DNAH14: variants seen among roughly 807,000 people sequenced by gnomAD.
DNAH14 encodes the protein axonemal beta dynein heavy chain 14.
Under a neutral mutation model 520.9 loss-of-function variants are expected in DNAH14, and 478 were observed. The ratio of observed to expected loss-of-function variants is 0.92; its 90% CI spans 0.85 to 0.99. DNAH14 has a LOEUF of 0.99. Ranked by LOEUF, DNAH14 falls within the 50% of genes least tolerant of loss-of-function variation. The pLI is 0.00. For missense variants in DNAH14, 4,831 were observed against 5,234.5 expected (o/e 0.92, Z 2.38); for synonymous variants, 1,581 against 1,757.2 (o/e 0.90, Z 2.51).
At chr1:225,073,498 A>G (rs2071806209) in intron 17 of DNAH14, among the ~76,000 whole-genome samples, 1 of 151,704 alleles carries the variant, frequency 6.6e-6, no homozygotes, top group African/African-American at 2.4e-5. Context: ...TGTAGAGCGG[A>G]TGTATTGTGC....
intron 17 of DNAH14, among the ~76,000 whole-genome samples, chr1:225,063,063 TTA>T (rs1333942066): frequency 1.3e-5 from 2 of 151,868 alleles, no homozygotes; most frequent in Non-Finnish European, 2.9e-5. Context: ...CTAAAACAGA[TTA>T]TATATTTATG....
At position 225,252,377 on chromosome 1, in the gene DNAH14, G is replaced by C; in HGVS notation, c.6825G>C (p.Trp2275Cys). ...TAGAGCAATGTGAATTCATACCTTG[G>C]TCAGATTTAGTTCCTAATGATCAGA... The part of the protein sequence containing the change: ...VDIEQCEFIP[W>C]SDLVPNDQTL... Residue 2275 changes from tryptophan (W) to cysteine (C), a missense_variant, in exon 44 of 86, where the codon TGG (tryptophan) becomes TGC (cysteine). Transcript: ENST00000682510. 1 of 1,546,296 alleles carries C rather than the reference G, an allele frequency of 6.5e-7. No individual in the cohort carries two copies. The highest frequency in any genetic ancestry group is 1.2e-5 in the South Asian group (1 of 83,692).
chr1:225,237,202 C>T (rs1232575967), intron 42 of DNAH14, among the ~76,000 whole-genome samples: 1 of 152,116 alleles, frequency 6.6e-6, no homozygotes, highest in East Asian at 1.9e-4. Context: ...GTGGTTGTTT[C>T]ATAGTGTCAC....
At chr1:225,048,012 C>T (rs1173988066) in intron 15 of DNAH14, among the ~76,000 whole-genome samples, 1 of 152,162 alleles carries the variant, frequency 6.6e-6, no homozygotes, top group African/African-American at 2.4e-5. Flanking sequence ...CATCACAGTT[C>T]CATACAAAAC....
intron 37 of DNAH14, among the ~76,000 whole-genome samples, chr1:225,186,837 T>C (rs61851489): frequency 0.12 from 18,745 of 151,732 alleles, 1,304 homozygotes; most frequent in East Asian, 0.31. Flanking sequence ...TCTCACATGT[T>C]TAATAGTTTT....
intron 67 of DNAH14, 28 bp downstream of exon 67, chr1:225,337,524 C>T (rs1185014113): frequency 6.6e-7 from 1 of 1,519,026 alleles, no homozygotes; most frequent in Admixed American, 2.0e-5. Context: ...CCTAATTTCC[C>T]TTGCAGCTGA....
In DNAH14 at chr1:225,094,674, AAAAAC is replaced by A. The variant is rs1387477619; in HGVS notation, c.3574-2441_3574-2437del. 5.0e-3 allele frequency among the ~76,000 whole-genome samples: 498 copies of A among 99,088 alleles called. 4 individuals carry two copies. The highest frequency in any genetic ancestry group is 7.3e-3 in the South Asian group (25 of 3,426). 65.0% of individuals were successfully genotyped at this position (99,088 alleles called of 152,430 possible). ...TGCACAGCAAAAAAAAAAAAAAAAA[AAAAAC>A]AACAAAACAAACAAACAAAAAAACG... is the stretch of plus-strand genomic sequence containing the variant. On this transcript the variant is annotated intron_variant, in intron 21 of 85. Transcript: ENST00000682510.
In DNAH14 at chr1:225,051,577, G is replaced by A. The variant is rs779382557; in HGVS notation, c.2206G>A (p.Gly736Arg). ...CATGAGTATGAAAATATCATCTATG[G>A]GAGAATTAACTTCAAAAGAATTTGA... ...KIMSMKISSMGELTSKEFEAI... is the reference protein window; with the variant it reads ...KIMSMKISSMRELTSKEFEAI... The change falls in exon 17 of 86, where the codon GGA becomes AGA. Residue 736 changes from glycine (G) to arginine (R), a missense_variant. Physicochemically the swap from Gly to Arg is moderately radical, Grantham distance 125. Transcript: ENST00000682510. 269 of 1,550,610 alleles carry A rather than the reference G, an allele frequency of 1.7e-4. No homozygotes were observed. The highest frequency in any genetic ancestry group is 2.0e-4 in the Non-Finnish European group (234 of 1,146,468).
chr1:225,168,647 G>A lies in DNAH14; in HGVS notation c.5535+619G>A, dbSNP rs111740440. On this transcript the variant is annotated intron_variant, in intron 36 of 85. Coordinates refer to ENST00000682510, the MANE Select transcript of DNAH14 (RefSeq NM_001367479.1). The stretch of plus-strand genomic sequence containing the variant: ...GAGGCTTGAGCAGGTAAACAAAGCG[G>A]CCTGGAATCTCAAACTGGGTGGAGC... Among the ~76,000 whole-genome samples the A allele has an allele frequency of 5.3e-5, 8 of 152,316 alleles. No individual in the cohort carries two copies. The East Asian group carries it at 1.5e-3, about 29-fold the overall frequency.
At chr1:225,366,173 A>C (rs1425475451) in intron 76 of DNAH14, among the ~76,000 whole-genome samples, 1 of 152,232 alleles carries the variant, frequency 6.6e-6, no homozygotes, top group African/African-American at 2.4e-5. Flanking sequence ...TGATATAGTT[A>C]GTGCTATTAA....
At chr1:225,332,125 G>T (rs1287111260) in intron 65 of DNAH14, among the ~76,000 whole-genome samples, 2 of 152,076 alleles carry the variant, frequency 1.3e-5, no homozygotes, top group Admixed American at 6.6e-5. Context: ...GGTTCATCTG[G>T]CTTCTCCATG....
chr1:225,051,048 G>A (rs190398414), intron 16 of DNAH14, among the ~76,000 whole-genome samples: 3 of 152,110 alleles, frequency 2.0e-5, no homozygotes, highest in Admixed American at 6.6e-5. Flanking sequence ...ACCACTCACC[G>A]CCTGCTGTGT....
At chr1:225,239,405 G>C (rs1426235604) in intron 42 of DNAH14, among the ~76,000 whole-genome samples, 1 of 152,112 alleles carries the variant, frequency 6.6e-6, no homozygotes, top group Non-Finnish European at 1.5e-5. Context: ...CTTGGCTGGG[G>C]TTCCCTTGGC....
chr1:225,191,225 T>G (rs1192577815), intron 37 of DNAH14, among the ~76,000 whole-genome samples: 1 of 152,044 alleles, frequency 6.6e-6, no homozygotes, highest in Non-Finnish European at 1.5e-5. Flanking sequence ...TATCCCTTTA[T>G]TCATACCTTC....
chr1:225,023,193 A>G (rs1156396888), intron 10 of DNAH14, among the ~76,000 whole-genome samples: 4 of 152,148 alleles, frequency 2.6e-5, no homozygotes, highest in Non-Finnish European at 5.9e-5. Flanking sequence ...TCAGCAATAC[A>G]CAATTTAACC....
intron 21 of DNAH14, among the ~76,000 whole-genome samples, chr1:225,089,492 A>AAAG (rs1203547402): frequency 1.9e-3 from 281 of 150,842 alleles, no homozygotes; most frequent in African/African-American, 6.4e-3. Flanking sequence ...AAAGAAAAGA[A>AAAG]AAAAGAAAAC....
intron 36 of DNAH14, among the ~76,000 whole-genome samples, chr1:225,169,277 C>A (rs182277710): frequency 1.3e-5 from 2 of 152,182 alleles, no homozygotes; most frequent in Non-Finnish European, 2.9e-5. Context: ...TCACCAGCAA[C>A]GGAACAAAGC....
intron 79 of DNAH14, among the ~76,000 whole-genome samples, chr1:225,378,618 C>T (rs888046526): frequency 2.0e-5 from 3 of 152,152 alleles, no homozygotes; most frequent in African/African-American, 7.2e-5. Flanking sequence ...GCGGTGGGCT[C>T]ACGCCTGTGA....
chr1:225,295,005 T>A lies in DNAH14; in HGVS notation c.8469+4923T>A, dbSNP rs530007880. Among the ~76,000 whole-genome samples the A allele has an allele frequency of 1.2e-4, 18 of 152,296 alleles. No homozygotes were observed. In the East Asian group the frequency reaches 3.5e-3, roughly 29 times the overall value. ...TGGCTCAATCTTGATAGACTATATGTGAATTTAATCATTCCCTCTAGGTTT... is the reference window on the plus strand; with the variant it reads ...TGGCTCAATCTTGATAGACTATATGAGAATTTAATCATTCCCTCTAGGTTT... On this transcript the variant is annotated intron_variant, in intron 55 of 85. Transcript: ENST00000682510.
Sources: gnomAD v4.1 joint callset for allele counts (sites outside exome capture counted in the v4.1 genomes callset) on GRCh38, gnomAD v4.1.1 for gene constraint, MANE v1.5 for transcripts, NCBI Gene and HGNC (gene_info 2026-07-23, HGNC 2026-07-21) for gene names.